Variants in VEPH1 observed in about 807,000 individuals in gnomAD.
The protein encoded by VEPH1 is ventricular zone-expressed PH domain-containing protein homolog 1.
Under a neutral mutation model 85.2 loss-of-function variants are expected in VEPH1, and 80 were observed. The ratio of observed to expected loss-of-function variants is 0.94; its 90% CI spans 0.78 to 1.13. The LOEUF is 1.13. Ranked by LOEUF, VEPH1 falls within the 50% of genes most tolerant of loss-of-function variation. The pLI is 0.00. For synonymous variants in VEPH1, 297 were observed against 348.0 expected (o/e 0.85, Z 1.63); for missense variants, 955 against 980.5 (o/e 0.97, Z 0.35).
At chr3:157,469,759 G>A (rs921920249) in intron 3 of VEPH1, among the ~76,000 whole-genome samples, 4 of 152,128 alleles carry the variant, frequency 2.6e-5, no homozygotes, top group East Asian at 1.9e-4. Flanking sequence ...GCCCAATATC[G>A]CAGTGTTACA....
intron 12 of VEPH1, among the ~76,000 whole-genome samples, chr3:157,267,693 G>A (rs1260616640): frequency 2.6e-5 from 4 of 152,152 alleles, no homozygotes; most frequent in Non-Finnish European, 5.9e-5. Flanking sequence ...GCTTGGGCCT[G>A]GCAGGTGGAG....
intron 2 of VEPH1, among the ~76,000 whole-genome samples, chr3:157,489,622 C>T (rs151250090): frequency 5.6e-4 from 85 of 152,072 alleles, no homozygotes; most frequent in Non-Finnish European, 1.1e-3. Context: ...CTACATAGCA[C>T]TTACTTATAA....
chr3:157,460,112 A>C, intron 4 of VEPH1, 69 bp downstream of exon 4: 1 of 1,613,596 alleles, frequency 6.2e-7, no homozygotes, highest in Non-Finnish European at 8.5e-7. Context: ...CACAAACCAT[A>C]AATGCTTGAT....
chr3:157,368,454 C>T (rs926435868), intron 7 of VEPH1, among the ~76,000 whole-genome samples: 3 of 151,676 alleles, frequency 2.0e-5, no homozygotes, highest in African/African-American at 7.3e-5. Context: ...TCAGCCAAAT[C>T]TGAATTTCAG....
intron 12 of VEPH1, among the ~76,000 whole-genome samples, chr3:157,267,097 T>C (rs1309455783): frequency 9.4e-6 from 1 of 106,530 alleles, no homozygotes; most frequent in Non-Finnish European, 1.9e-5. Flanking sequence ...CTTTTTCTTT[T>C]TTTTCTTTTT....
At chr3:157,387,249 T>C (rs115228973) in intron 6 of VEPH1, among the ~76,000 whole-genome samples, 39 of 152,320 alleles carry the variant, frequency 2.6e-4, no homozygotes, top group African/African-American at 8.9e-4. Flanking sequence ...TCTGCTATCC[T>C]TTGTCAGAAA....
At chr3:157,310,605 A>G (rs1257947419) in intron 11 of VEPH1, among the ~76,000 whole-genome samples, 1 of 152,224 alleles carries the variant, frequency 6.6e-6, no homozygotes, top group Admixed American at 6.5e-5. Flanking sequence ...ACAAAACAAC[A>G]GATGTTTCTT....
At chr3:157,439,078 T>C (rs1301410687) in intron 4 of VEPH1, among the ~76,000 whole-genome samples, 1 of 152,142 alleles carries the variant, frequency 6.6e-6, no homozygotes, top group African/African-American at 2.4e-5. Context: ...TGTCAGTAAA[T>C]ACTAAATAGG....
intron 13 of VEPH1, among the ~76,000 whole-genome samples, chr3:157,262,341 G>C (rs1008963751): frequency 1.3e-5 from 2 of 151,774 alleles, no homozygotes; most frequent in African/African-American, 4.8e-5. Flanking sequence ...ATTAAGCTTG[G>C]CATTATACTT....
intron 5 of VEPH1, among the ~76,000 whole-genome samples, chr3:157,421,419 G>A (rs1018273707): frequency 4.6e-5 from 7 of 152,180 alleles, no homozygotes; most frequent in Non-Finnish European, 7.4e-5. Flanking sequence ...CATCAGGAAT[G>A]CTTTAATGCA....
chr3:157,447,505 T>C (rs1162791075), intron 4 of VEPH1, among the ~76,000 whole-genome samples: 2 of 152,112 alleles, frequency 1.3e-5, no homozygotes, highest in Non-Finnish European at 2.9e-5. Context: ...CCACTTCCTT[T>C]AAGAATAATT....
At chr3:157,379,099 G>C (rs899639819) in intron 7 of VEPH1, among the ~76,000 whole-genome samples, 3 of 152,164 alleles carry the variant, frequency 2.0e-5, no homozygotes, top group African/African-American at 7.2e-5. Flanking sequence ...CCTGTGCTAA[G>C]AGCTGTGATC....
chr3:157,487,885 C>T (rs1477908587), intron 2 of VEPH1, among the ~76,000 whole-genome samples: 1 of 152,052 alleles, frequency 6.6e-6, no homozygotes, highest in Non-Finnish European at 1.5e-5. Flanking sequence ...ATGGGAACCT[C>T]CTTAATCTGA....
Position 157,373,041 on chromosome 3 carries a change from T to C in VEPH1, c.1127+8115A>G, listed in dbSNP as rs193266059. Among the ~76,000 whole-genome samples the C allele has an allele frequency of 4.7e-4, 72 of 152,328 alleles. 1 individual carries two copies. The highest frequency in any genetic ancestry group is 5.9e-5 in the Non-Finnish European group (4 of 68,024). The stretch of plus-strand genomic sequence containing the variant: ...TTTACAGAGGGCTTTCTATGTATAG[T>C]CTTCACTGTTCTAAATCTGGTACAT... On this transcript the variant is annotated intron_variant, in intron 7 of 13. Coordinates refer to ENST00000362010, the MANE Select transcript of VEPH1 (RefSeq NM_001167912.2).
chr3:157,470,644 G>T (rs960364630), intron 2 of VEPH1, 115 bp from the exon 3 acceptor site: 10 of 949,238 alleles, frequency 1.1e-5, no homozygotes, highest in Admixed American at 4.0e-5. Flanking sequence ...GTGCTAAGGG[G>T]TGAGGGTGTA....
chr3:157,269,770 A>T (rs1714297896), intron 12 of VEPH1, among the ~76,000 whole-genome samples: 1 of 151,216 alleles, frequency 6.6e-6, no homozygotes, highest in Admixed American at 6.6e-5. Flanking sequence ...CAGCCTCTTC[A>T]CAGCTAAAAC....
chr3:157,363,285 A>C (rs1038271469), intron 9 of VEPH1, 79 bp downstream of exon 9: 1 of 1,370,206 alleles, frequency 7.3e-7, no homozygotes, highest in Non-Finnish European at 9.8e-7. Flanking sequence ...AGAGTATGCT[A>C]ATTTACCTGA....
intron 4 of VEPH1, among the ~76,000 whole-genome samples, chr3:157,453,417 T>C (rs1200166694): frequency 6.6e-6 from 1 of 152,220 alleles, no homozygotes; most frequent in Non-Finnish European, 1.5e-5. Flanking sequence ...TTTATGAGGT[T>C]CTCGTGGGCA....
intron 11 of VEPH1, among the ~76,000 whole-genome samples, chr3:157,306,465 T>G (rs1719520439): frequency 6.6e-6 from 1 of 152,086 alleles, no homozygotes; most frequent in Non-Finnish European, 1.5e-5. Flanking sequence ...TTTTCAAGAT[T>G]TATCCCATGC....
Sources: allele counts gnomAD v4.1 joint callset (sites outside exome capture counted in the v4.1 genomes callset), GRCh38; gene constraint gnomAD v4.1.1; transcripts MANE v1.5; gene names NCBI Gene and HGNC (gene_info 2026-07-23, HGNC 2026-07-21).